SLF2: variants seen among roughly 807,000 people sequenced by gnomAD.
The protein encoded by SLF2 is SMC5-SMC6 complex localization factor protein 2.
Under a neutral mutation model 124.3 loss-of-function variants are expected in SLF2, and 68 were observed. That is an observed-to-expected ratio of 0.55 (90% CI 0.45 to 0.67). SLF2 has a LOEUF of 0.67. Ranked by LOEUF, SLF2 falls within the 30% of genes least tolerant of loss-of-function variation. SLF2 has a pLI of 0.00. For missense variants in SLF2, 1,246 were observed against 1,373.7 expected, an observed-to-expected ratio of 0.91 and a Z score of 1.47; for synonymous variants, 480 against 478.8, an observed-to-expected ratio of 1.00 and a Z score of -0.03.
At chr10:100,931,982 ACT>A (rs1017175350) in intron 9 of SLF2, among the ~76,000 whole-genome samples, 3 of 133,036 alleles carry the variant, frequency 2.3e-5, no homozygotes, top group African/African-American at 7.7e-5. Context: ...ACAGAGTGAG[ACT>A]CTGTCTCAAA....
Position 100,923,726 on chromosome 10 carries a change from T to C in SLF2, c.974-249T>C, listed in dbSNP as rs1359322903. On this transcript the variant is annotated intron_variant, in intron 4 of 19. Transcript: ENST00000238961. ...TTTTAGGGAGTGGCATCTTTAATTC[T>C]GTTAAGGTGGTAAACTTTTCATAGC... is the stretch of plus-strand genomic sequence containing the variant. Among the ~76,000 whole-genome samples, 3 of 152,222 alleles carry C rather than the reference T, an allele frequency of 2.0e-5. No homozygotes were observed. The East Asian group carries it at 5.8e-4, about 29-fold the overall frequency.
chr10:100,913,219 G>C lies in SLF2; in HGVS notation c.109G>C (p.Ala37Pro). ...LRPGSTAHAA[A>P]GKRTESPGDR... is the part of the protein sequence containing the mutation. ...ACCCGGTAGTACCGCCCATGCTGCA[G>C]CGGGAAAGAGAACAGAGAGTCCTGG... is the stretch of plus-strand genomic sequence containing the variant. The change falls in exon 1 of 20, where the codon GCG (alanine) becomes CCG (proline). Residue 37 changes from alanine to proline, a missense_variant. This residue lies in a region of SLF2 where 698 missense variants were observed against 708.9 expected (regional missense o/e 0.98). Transcript: ENST00000238961. 6.2e-7 allele frequency: 1 copy of C among 1,611,084 alleles called. No homozygotes were observed. The highest frequency in any genetic ancestry group is 8.5e-7 in the Non-Finnish European group (1 of 1,178,738).
At chr10:100,920,910 C>T (rs1396750521) in intron 4 of SLF2, among the ~76,000 whole-genome samples, 2 of 152,150 alleles carry the variant, frequency 1.3e-5, no homozygotes, top group African/African-American at 4.8e-5. Context: ...GATGGTGCCA[C>T]TGCACTCCAG....
In SLF2 at chr10:100,930,996, T is replaced by C; in HGVS notation, c.2354T>C (p.Ile785Thr). Residue 785 changes from isoleucine to threonine, a missense_variant, in exon 9 of 20, where the codon ATT (isoleucine) becomes ACT (threonine). Coordinates refer to ENST00000238961, the MANE Select transcript of SLF2 (RefSeq NM_018121.4). Reference protein sequence around the residue: ...LILKSGKTDQIFLTTQGFLTS... With the variant: ...LILKSGKTDQTFLTTQGFLTS... ...TTCAGATCGGGAAAAACAGATCAGA[T>C]TTTTTTGACAACACAAGGTTTCCTT... 2 of 1,613,034 alleles carry C rather than the reference T, an allele frequency of 1.2e-6. No homozygotes were observed. The highest frequency in any genetic ancestry group is 1.7e-6 in the Non-Finnish European group (2 of 1,179,202).
In SLF2 at chr10:100,923,983, A is replaced by G. The variant is rs557056858; in HGVS notation, c.982A>G (p.Lys328Glu). Residue 328 changes from lysine (K) to glutamate (E), a missense_variant, in exon 5 of 20, where the codon AAG becomes GAG. Lys to Glu is a moderately conservative substitution (Grantham distance 56). This residue lies in a region of SLF2 where 698 missense variants were observed against 708.9 expected (regional missense o/e 0.98). Coordinates refer to ENST00000238961, the MANE Select transcript of SLF2 (RefSeq NM_018121.4). Reference sequence around the variant, plus strand: ...CAAAAATTAAATTTTAGCAGGCTCTAAGCAGAATAAATTCCCTGAAAAAAG... The same window carrying G: ...CAAAAATTAAATTTTAGCAGGCTCTGAGCAGAATAAATTCCCTGAAAAAAG... ...DSWEPTSAGS[K>E]QNKFPEKRKR... The G allele has an allele frequency of 2.6e-6, 4 of 1,541,158 alleles. No homozygotes were observed. In the African/African-American group the frequency reaches 5.6e-5, roughly 21 times the overall value.
chr10:100,933,481 T>C (rs1849785824), intron 9 of SLF2, among the ~76,000 whole-genome samples: 1 of 152,190 alleles, frequency 6.6e-6, no homozygotes, highest in Admixed American at 6.5e-5. Flanking sequence ...GCTATACTCC[T>C]AACCAGTATT....
intron 1 of SLF2, chr10:100,913,600 C>T: frequency 3.5e-6 from 4 of 1,156,038 alleles, no homozygotes; most frequent in South Asian, 4.0e-5. Context: ...GTCAGTTCTA[C>T]TGATCCTAGT....
chr10:100,915,833 G>GT (rs1319907075), intron 1 of SLF2, among the ~76,000 whole-genome samples, 166 bp from the exon 2 acceptor site: 1 of 151,862 alleles, frequency 6.6e-6, no homozygotes, highest in Non-Finnish European at 1.5e-5. Context: ...TATATTTTCT[G>GT]TTTTTTTAAT....
Position 100,956,449 on chromosome 10 carries a change from A to G in SLF2, c.3331-2A>G. ...TTCATCCCTTGCATTTGTTTTGCAC[A>G]GAAACACTTTGTGCTACTCTGTGGG... On this transcript the variant is annotated splice_acceptor_variant, in intron 17 of 19. Coordinates refer to ENST00000238961, the MANE Select transcript of SLF2 (RefSeq NM_018121.4). LOFTEE classifies it high-confidence loss of function. 1 of 1,597,252 alleles carries G rather than the reference A, an allele frequency of 6.3e-7. No individual in the cohort carries two copies. Among genetic ancestry groups the G allele is most frequent in the South Asian group, 1.1e-5 (1 of 87,242 alleles).
intron 1 of SLF2, among the ~76,000 whole-genome samples, chr10:100,914,975 T>C (rs1201236596): frequency 6.6e-6 from 1 of 152,200 alleles, no homozygotes; most frequent in African/African-American, 2.4e-5. Flanking sequence ...TTTAGCAAAA[T>C]TTACCAGAAA....
chr10:100,913,641 T>C, intron 1 of SLF2: 1 of 1,047,630 alleles, frequency 9.5e-7, no homozygotes. Flanking sequence ...TTCTATGTTG[T>C]GGGTGAAATT....
intron 19 of SLF2, among the ~76,000 whole-genome samples, chr10:100,960,686 C>T (rs889503209): frequency 6.6e-6 from 1 of 151,950 alleles, no homozygotes; most frequent in African/African-American, 2.4e-5. Context: ...ATACAAATCC[C>T]TTATTAGAGA....
intron 17 of SLF2, among the ~76,000 whole-genome samples, chr10:100,952,606 G>C (rs1850240055): frequency 6.6e-6 from 1 of 150,614 alleles, no homozygotes; most frequent in Admixed American, 6.6e-5. Context: ...AAAGACACAA[G>C]ACTAATTCTT....
At chr10:100,953,598 TAAC>T (rs1208228805) in intron 17 of SLF2, among the ~76,000 whole-genome samples, 1 of 152,052 alleles carries the variant, frequency 6.6e-6, no homozygotes, top group South Asian at 2.1e-4. Flanking sequence ...ACAATTATTT[TAAC>T]AAAAATGTAA....
intron 3 of SLF2, 150 bp downstream of exon 3, chr10:100,917,450 A>T (rs1438082904): frequency 1.1e-6 from 1 of 894,746 alleles, no homozygotes; most frequent in Non-Finnish European, 1.6e-6. Context: ...TGGTTTCATT[A>T]CATTTCCTCC....
intron 9 of SLF2, among the ~76,000 whole-genome samples, chr10:100,931,540 A>G (rs1418814765): frequency 6.6e-6 from 1 of 152,208 alleles, no homozygotes; most frequent in Non-Finnish European, 1.5e-5. Flanking sequence ...ATCCACTTAA[A>G]TAATTATCTT....
chr10:100,917,342 T>C, intron 3 of SLF2, 42 bp downstream of exon 3: 1 of 1,535,488 alleles, frequency 6.5e-7, no homozygotes, highest in Non-Finnish European at 8.7e-7. Flanking sequence ...TACTGCTATG[T>C]CATATTTAGA....
chr10:100,957,913 G>A (rs1403419242), intron 18 of SLF2, among the ~76,000 whole-genome samples: 1 of 152,114 alleles, frequency 6.6e-6, no homozygotes, highest in Non-Finnish European at 1.5e-5. Context: ...GCCAGGTGTG[G>A]TGGTGCGTGC....
chr10:100,938,782 G>T (rs550055350), intron 11 of SLF2, 46 bp downstream of exon 11: 5 of 1,503,760 alleles, frequency 3.3e-6, no homozygotes, highest in South Asian at 1.3e-5. Flanking sequence ...CATTTCGTAC[G>T]ACTTATATAT....
Sources: allele counts gnomAD v4.1 joint callset (sites outside exome capture counted in the v4.1 genomes callset), GRCh38; gene constraint gnomAD v4.1.1; regional missense constraint gnomAD v4.1.1; transcripts MANE v1.5; gene names NCBI Gene and HGNC (gene_info 2026-07-23, HGNC 2026-07-21).